Variants in SLC1A1 observed in about 807,000 individuals in gnomAD.
SLC1A1 encodes the protein excitatory amino acid transporter 3.
Under a neutral mutation model 53.3 loss-of-function variants are expected in SLC1A1, and 43 were observed. The observed-to-expected ratio is 0.81, with a 90% CI of 0.63 to 1.04. SLC1A1 has a LOEUF of 1.04. SLC1A1 is among the 50% of genes least tolerant of loss of function. The pLI is 0.00. For missense variants in SLC1A1, 748 were observed against 664.9 expected (o/e 1.12, Z -1.37); for synonymous variants, 307 against 243.2 (o/e 1.26, Z -2.44).
intron 1 of SLC1A1, among the ~76,000 whole-genome samples, chr9:4,520,451 T>G (rs1324040620): frequency 6.6e-6 from 1 of 152,224 alleles, no homozygotes; most frequent in Admixed American, 6.5e-5. Context: ...TTGGTTCATT[T>G]GCTTTCTGCT....
In SLC1A1 at chr9:4,556,166, T is replaced by A. The variant is rs1230431896; in HGVS notation, c.233-5283T>A. ...ATCACACCCAGCAAATTTGTGTGTG[T>A]GTGTGGTTTTGTTTTTGTTTTTTTG... is the stretch of plus-strand genomic sequence containing the variant. On this transcript the variant is annotated intron_variant, in intron 2 of 11. Transcript: ENST00000262352. This position sits in a 1 kb window ranked among gnomAD's most constrained non-coding sequence, Gnocchi z 4.1. Among the ~76,000 whole-genome samples the A allele has an allele frequency of 6.6e-6, 1 of 151,902 alleles. No individual in the cohort carries two copies. Among genetic ancestry groups the A allele is most frequent in the East Asian group, 1.9e-4 (1 of 5,152 alleles).
chr9:4,520,396 TTTA>T (rs1207627565), intron 1 of SLC1A1, among the ~76,000 whole-genome samples: 7 of 152,188 alleles, frequency 4.6e-5, no homozygotes, highest in Non-Finnish European at 1.0e-4. Flanking sequence ...CCCATTTAAT[TTTA>T]TTATTATCTA....
At chr9:4,518,513 T>A (rs1259579397) in intron 1 of SLC1A1, among the ~76,000 whole-genome samples, 3 of 152,106 alleles carry the variant, frequency 2.0e-5, no homozygotes, top group South Asian at 2.1e-4. Context: ...ATTACACACG[T>A]GGGCCACTGC....
At chr9:4,534,105 C>G (rs560234982) in intron 1 of SLC1A1, among the ~76,000 whole-genome samples, 1 of 152,260 alleles carries the variant, frequency 6.6e-6, no homozygotes, top group Non-Finnish European at 1.5e-5. Flanking sequence ...CAACAGAAAG[C>G]AGGAAAGATC....
intron 1 of SLC1A1, among the ~76,000 whole-genome samples, chr9:4,504,581 C>A (rs1374397204): frequency 6.6e-6 from 1 of 152,188 alleles, no homozygotes; most frequent in East Asian, 1.9e-4. Context: ...TTCTTTCTTG[C>A]ATGTGGAGAA....
Position 4,572,241 on chromosome 9 carries a change from C to T in SLC1A1, c.620C>T (p.Ser207Leu). ...GAATACAAAATTGTTGGCATGTATT[C>T]AGATGGCATAAACGTCCTGGGCTTG... ...TKEYKIVGMY[S>L]DGINVLGLIV... The change falls in exon 7 of 12, where the codon TCA (serine) becomes TTA (leucine). Residue 207 changes from serine to leucine, a missense_variant. Transcript: ENST00000262352. 6.2e-7 allele frequency: 1 copy of T among 1,613,992 alleles called. No individual in the cohort carries two copies. The highest frequency in any genetic ancestry group is 1.3e-5 in the African/African-American group (1 of 75,040).
At chr9:4,557,918 T>C (rs1334132392) in intron 2 of SLC1A1, among the ~76,000 whole-genome samples, 1 of 152,216 alleles carries the variant, frequency 6.6e-6, no homozygotes, top group Non-Finnish European at 1.5e-5. Context: ...GATCGTATGG[T>C]ACTTAGCCTT....
chr9:4,566,093 A>T lies in SLC1A1; in HGVS notation c.483+4A>T. The T allele has an allele frequency of 6.2e-7, 1 of 1,610,922 alleles. No individual in the cohort carries two copies. The highest frequency in any genetic ancestry group is 2.2e-5 in the East Asian group (1 of 44,862). On this transcript the variant is annotated splice_donor_region_variant and intron_variant, in intron 5 of 11. Coordinates refer to ENST00000262352, the MANE Select transcript of SLC1A1 (RefSeq NM_004170.6). ...TGTCCAGGCCTGTTTTCAGCAGGTA[A>T]TATTAATTACTTGTGCCCTTAACTT... is the stretch of plus-strand genomic sequence containing the variant.
intron 1 of SLC1A1, among the ~76,000 whole-genome samples, chr9:4,517,568 G>A (rs923568929): frequency 6.6e-6 from 1 of 152,084 alleles, no homozygotes; most frequent in East Asian, 1.9e-4. Context: ...CTGAACACTG[G>A]TCACCTTCCC....
intron 1 of SLC1A1, among the ~76,000 whole-genome samples, chr9:4,519,099 C>T (rs114930454): frequency 2.3e-3 from 353 of 152,274 alleles, no homozygotes; most frequent in African/African-American, 8.1e-3. Context: ...GTTTATTAGA[C>T]AACTACAAAC....
chr9:4,517,248 G>C (rs1358798934), intron 1 of SLC1A1, among the ~76,000 whole-genome samples: 1 of 152,086 alleles, frequency 6.6e-6, no homozygotes, highest in Non-Finnish European at 1.5e-5. Context: ...TCACATCCAA[G>C]GTTCATCTAA....
chr9:4,566,697 TA>T (rs1182683660), intron 5 of SLC1A1, among the ~76,000 whole-genome samples: 1 of 151,680 alleles, frequency 6.6e-6, no homozygotes, highest in Non-Finnish European at 1.5e-5. Flanking sequence ...AGAAATAATT[TA>T]AAAAAAAATA....
In SLC1A1 at chr9:4,583,909, CACATAT is replaced by C. The variant is rs776433601; in HGVS notation, c.1328+738_1328+743del. ...ACACACACACACACACACACACACA[CACATAT>C]GGAATACAGCAGAACATCTGGGTGA... On this transcript the variant is annotated intron_variant, in intron 11 of 11. Transcript: ENST00000262352. This position sits in a 1 kb window ranked among gnomAD's most constrained non-coding sequence, Gnocchi z 4.6. Among the ~76,000 whole-genome samples, 2 of 151,128 alleles carry C rather than the reference CACATAT, an allele frequency of 1.3e-5. No individual in the cohort carries two copies. The highest frequency in any genetic ancestry group is 1.5e-5 in the Non-Finnish European group (1 of 67,830).
intron 3 of SLC1A1, 92 bp from the exon 4 acceptor site, chr9:4,564,251 TG>T: frequency 1.2e-6 from 1 of 866,374 alleles, no homozygotes; most frequent in Non-Finnish European, 1.9e-6. Context: ...CACTATTGCC[TG>T]GTACAACCAT....
At chr9:4,521,964 G>A (rs943399848) in intron 1 of SLC1A1, among the ~76,000 whole-genome samples, 1 of 151,956 alleles carries the variant, frequency 6.6e-6, no homozygotes, top group African/African-American at 2.4e-5. Context: ...TTGGTAGCAA[G>A]GTCTTATGGA....
At position 4,564,330 on chromosome 9, in the gene SLC1A1, G is replaced by C; in HGVS notation, c.326-14G>C. 1 of 1,593,050 alleles carries C rather than the reference G, an allele frequency of 6.3e-7. No homozygotes were observed. Among genetic ancestry groups the C allele is most frequent in the Admixed American group, 1.7e-5 (1 of 59,736 alleles). ...AGGTTCCTAATGCTCTGTGGACGCT[G>C]TTCTTGGCCACAGGTATTGTGCTGG... On this transcript the variant is annotated splice_polypyrimidine_tract_variant and intron_variant, in intron 3 of 11. Coordinates refer to ENST00000262352, the MANE Select transcript of SLC1A1 (RefSeq NM_004170.6).
In SLC1A1 at chr9:4,512,241, G is replaced by T. The variant is rs185124720; in HGVS notation, c.91+21471G>T. ...TAAAATTCATATGGAGGCAGGGTGC[G>T]GTGGCTCACACCTGTAATCCCAGCA... On this transcript the variant is annotated intron_variant, in intron 1 of 11. Transcript: ENST00000262352. Among the ~76,000 whole-genome samples, 41 of 152,184 alleles carry T rather than the reference G, an allele frequency of 2.7e-4. No homozygotes were observed. In the East Asian group the frequency reaches 7.3e-3, roughly 27 times the overall value.
intron 6 of SLC1A1, among the ~76,000 whole-genome samples, chr9:4,568,673 T>G (rs1819724874): frequency 6.8e-6 from 1 of 147,376 alleles, no homozygotes; most frequent in African/African-American, 2.5e-5. Flanking sequence ...TCAGCCTGGG[T>G]GACAGAGCAA....
intron 2 of SLC1A1, among the ~76,000 whole-genome samples, chr9:4,560,912 C>T (rs1381811387): frequency 1.3e-5 from 2 of 152,062 alleles, no homozygotes; most frequent in East Asian, 1.9e-4. Context: ...AGGAGAATCG[C>T]TTGAACCCAG....
Sources: gnomAD v4.1 joint callset for allele counts (sites outside exome capture counted in the v4.1 genomes callset) on GRCh38, gnomAD v4.1.1 for gene constraint, Gnocchi (gnomAD v3.1) non-coding constraint, MANE v1.5 for transcripts, NCBI Gene and HGNC (gene_info 2026-07-23, HGNC 2026-07-21) for gene names.